Variants in CACHD1 observed in about 807,000 individuals in gnomAD.
The protein encoded by CACHD1 is VWFA and cache domain-containing protein 1.
Under a neutral mutation model 138.7 loss-of-function variants are expected in CACHD1, and 71 were observed. The observed-to-expected ratio is 0.51, with a 90% CI of 0.42 to 0.62. The LOEUF is 0.62. Among genes scored for constraint, CACHD1 ranks in the 20% least tolerant of loss-of-function variants. The pLI is 0.00. For synonymous variants in CACHD1, 578 were observed against 591.5 expected (o/e 0.98, Z 0.33); for missense variants, 1,389 against 1,625.3 (o/e 0.85, Z 2.50).
intron 1 of CACHD1, among the ~76,000 whole-genome samples, chr1:64,535,643 A>T (rs1339664402): frequency 6.6e-6 from 1 of 152,148 alleles, no homozygotes; most frequent in Non-Finnish European, 1.5e-5. Context: ...TTGGATTTGT[A>T]CAGAAATTCA....
intron 12 of CACHD1, among the ~76,000 whole-genome samples, chr1:64,657,575 A>C (rs1649307857): frequency 6.6e-6 from 1 of 152,186 alleles, no homozygotes; most frequent in Admixed American, 6.5e-5. Context: ...AATGGAGGAA[A>C]AGGATTAAAT....
intron 1 of CACHD1, among the ~76,000 whole-genome samples, chr1:64,494,636 C>G (rs1646296167): frequency 6.6e-6 from 1 of 152,140 alleles, no homozygotes; most frequent in South Asian, 2.1e-4. Flanking sequence ...AACCACAAGG[C>G]TAGTGGAATT....
At chr1:64,472,607 T>G (rs189355362) in intron 1 of CACHD1, among the ~76,000 whole-genome samples, 395 of 152,372 alleles carry the variant, frequency 2.6e-3, no homozygotes, top group Non-Finnish European at 4.3e-3. Flanking sequence ...ATATGCATTT[T>G]CTGATTTCTG....
chr1:64,640,207 G>A (rs1031372792), intron 7 of CACHD1, among the ~76,000 whole-genome samples: 20 of 152,292 alleles, frequency 1.3e-4, no homozygotes, highest in African/African-American at 3.1e-4. Flanking sequence ...TACCCCAGGA[G>A]GTGAATGAAT....
At chr1:64,581,000 G>C (rs1330696717) in intron 2 of CACHD1, among the ~76,000 whole-genome samples, 2 of 152,068 alleles carry the variant, frequency 1.3e-5, no homozygotes, top group Non-Finnish European at 2.9e-5. Flanking sequence ...CTCCTCCTTT[G>C]AAAATGATAA....
chr1:64,581,229 C>T (rs1647010183), intron 2 of CACHD1, among the ~76,000 whole-genome samples: 1 of 152,134 alleles, frequency 6.6e-6, no homozygotes. Flanking sequence ...TGATTTGACT[C>T]CATGTTCTCA....
chr1:64,538,692 G>A (rs1265616185), intron 1 of CACHD1, among the ~76,000 whole-genome samples: 1 of 152,164 alleles, frequency 6.6e-6, no homozygotes, highest in Admixed American at 6.5e-5. Context: ...TGTACTTGAT[G>A]ATTGTACTGA....
intron 2 of CACHD1, among the ~76,000 whole-genome samples, chr1:64,561,039 T>C (rs1646834719): frequency 6.6e-6 from 1 of 152,176 alleles, no homozygotes; most frequent in Admixed American, 6.5e-5. Flanking sequence ...CAGAAGCATT[T>C]ACTTTCAATT....
intron 17 of CACHD1, 99 bp from the exon 18 acceptor site, chr1:64,673,059 A>G: frequency 1.0e-6 from 1 of 954,966 alleles, no homozygotes; most frequent in Non-Finnish European, 1.7e-6. Context: ...GGATAAATGC[A>G]GTTTGTTTCA....
intron 4 of CACHD1, among the ~76,000 whole-genome samples, chr1:64,623,691 G>T (rs1413347808): frequency 1.3e-5 from 2 of 152,166 alleles, no homozygotes; most frequent in East Asian, 3.9e-4. Context: ...CACCGGAGGA[G>T]GATTTAAGAG....
At chr1:64,691,211 C>A in intron 26 of CACHD1, 112 bp from the exon 27 acceptor site, 1 of 883,818 alleles carries the variant, frequency 1.1e-6, no homozygotes, top group Non-Finnish European at 1.9e-6. Flanking sequence ...AGTGTTTGCA[C>A]CTATGTATTG....
chr1:64,681,368 T>C (rs770798557), intron 25 of CACHD1, 33 bp downstream of exon 25: 37 of 1,501,330 alleles, frequency 2.5e-5, no homozygotes, highest in Non-Finnish European at 3.2e-5. Flanking sequence ...GCAGAATGTG[T>C]CAGCAGGAGG....
At chr1:64,566,084 A>G (rs970831184) in intron 2 of CACHD1, among the ~76,000 whole-genome samples, 1 of 152,238 alleles carries the variant, frequency 6.6e-6, no homozygotes, top group East Asian at 1.9e-4. Context: ...TCATTTATAA[A>G]TTTTATTAAT....
chr1:64,642,489 T>A (rs1319743604), intron 8 of CACHD1, among the ~76,000 whole-genome samples: 6 of 152,202 alleles, frequency 3.9e-5, no homozygotes, highest in Non-Finnish European at 8.8e-5. Context: ...AGGATTAGCC[T>A]TAATGTACAG....
intron 26 of CACHD1, among the ~76,000 whole-genome samples, chr1:64,688,460 G>C (rs940730476): frequency 6.6e-6 from 1 of 151,988 alleles, no homozygotes; most frequent in Non-Finnish European, 1.5e-5. Context: ...TAGAAACCTC[G>C]ACCTTTTCCA....
chr1:64,471,707 G>A (rs1646145899), intron 1 of CACHD1, among the ~76,000 whole-genome samples: 1 of 152,144 alleles, frequency 6.6e-6, no homozygotes, highest in Admixed American at 6.5e-5. Flanking sequence ...GCCTTTTTGG[G>A]TCGAAGAAAA....
chr1:64,650,949 C>A (rs1352011553), intron 9 of CACHD1, among the ~76,000 whole-genome samples: 8 of 151,874 alleles, frequency 5.3e-5, no homozygotes, highest in Admixed American at 5.3e-4. Flanking sequence ...GAGTCTCATT[C>A]CAAGACGTGG....
At chr1:64,539,843 C>G (rs1646663728) in intron 1 of CACHD1, among the ~76,000 whole-genome samples, 1 of 152,208 alleles carries the variant, frequency 6.6e-6, no homozygotes, top group African/African-American at 2.4e-5. Context: ...AATCTTACCT[C>G]AAAGGCAAGT....
chr1:64,650,455 T>C (rs1214654681), intron 9 of CACHD1, among the ~76,000 whole-genome samples: 3 of 152,216 alleles, frequency 2.0e-5, no homozygotes, highest in African/African-American at 7.2e-5. Flanking sequence ...AATGCATTTC[T>C]AAAACCTCCT....
Sources: gnomAD v4.1 joint callset for allele counts (sites outside exome capture counted in the v4.1 genomes callset) on GRCh38, gnomAD v4.1.1 for gene constraint, MANE v1.5 for transcripts, NCBI Gene and HGNC (gene_info 2026-07-23, HGNC 2026-07-21) for gene names.